Variants in SLFN14 observed in about 807,000 individuals in gnomAD.
The protein encoded by SLFN14 is protein SLFN14.
Under a neutral mutation model 58.6 loss-of-function variants are expected in SLFN14, and 47 were observed. That is an observed-to-expected ratio of 0.80 (90% confidence interval 0.64 to 1.02). The LOEUF is 1.02. SLFN14 is among the 50% of genes least tolerant of loss of function. The pLI, the probability that SLFN14 is intolerant of heterozygous loss-of-function variation, is 0.00. For synonymous variants in SLFN14, 390 were observed against 387.3 expected (o/e 1.01, Z -0.08); for missense variants, 967 against 1,078.4 (o/e 0.90, Z 1.45).
intron 5 of SLFN14, among the ~76,000 whole-genome samples, chr17:35,549,576 T>C (rs1461670867): frequency 6.6e-6 from 1 of 152,250 alleles, no homozygotes; most frequent in Non-Finnish European, 1.5e-5. Context: ...AAGAGGATGC[T>C]GAGTTCCACG....
At chr17:35,558,955 A>T (rs765736482) in intron 2 of SLFN14, among the ~76,000 whole-genome samples, 3 of 152,100 alleles carry the variant, frequency 2.0e-5, no homozygotes, top group Non-Finnish European at 4.4e-5. Flanking sequence ...TCACATGTGT[A>T]ATCTCAGCAC....
At chr17:35,558,652 C>T (rs1442654388) in intron 2 of SLFN14, among the ~76,000 whole-genome samples, 1 of 152,070 alleles carries the variant, frequency 6.6e-6, no homozygotes, top group Non-Finnish European at 1.5e-5. Flanking sequence ...AAGGTGAATG[C>T]CTAATATTTG....
intron 5 of SLFN14, among the ~76,000 whole-genome samples, chr17:35,549,904 T>A (rs2072569494): frequency 6.6e-6 from 1 of 152,224 alleles, no homozygotes; most frequent in African/African-American, 2.4e-5. Flanking sequence ...CCTCTCACAT[T>A]AAGGGTTTCA....
chr17:35,560,074 T>C (rs190840581), intron 1 of SLFN14, among the ~76,000 whole-genome samples: 391 of 151,844 alleles, frequency 2.6e-3, no homozygotes, highest in African/African-American at 8.9e-3. Flanking sequence ...TATCAAATAG[T>C]CCCTCTAGTC....
Position 35,544,174 on chromosome 17 carries a change from G to A in SLFN14, c.*4065C>T, listed in dbSNP as rs2072518611. On this transcript the variant is annotated 3_prime_UTR_variant, in exon 6 of 6. Transcript: ENST00000674182. ...GTATGGAAACAGCAGAAACCCGAGAGAGTAAACCCAATGCTGAAAGTCCAT... is the reference window on the plus strand; with the variant it reads ...GTATGGAAACAGCAGAAACCCGAGAAAGTAAACCCAATGCTGAAAGTCCAT... Among the ~76,000 whole-genome samples, 1 of 152,188 alleles carries A rather than the reference G, an allele frequency of 6.6e-6. No homozygotes were observed. Among genetic ancestry groups the A allele is most frequent in the African/African-American group, 2.4e-5 (1 of 41,454 alleles).
intron 2 of SLFN14, among the ~76,000 whole-genome samples, chr17:35,559,518 T>C (rs1238351609): frequency 6.6e-6 from 1 of 152,220 alleles, no homozygotes; most frequent in African/African-American, 2.4e-5. Flanking sequence ...ATTGTCACCC[T>C]TCTTTTGCTT....
intron 4 of SLFN14, among the ~76,000 whole-genome samples, chr17:35,554,191 A>G (rs1265529742): frequency 1.3e-5 from 2 of 151,528 alleles, no homozygotes; most frequent in Non-Finnish European, 2.9e-5. Context: ...AATTCCCTGC[A>G]CTCTCAAATT....
chr17:35,552,573 C>G (rs1365861682), intron 5 of SLFN14, among the ~76,000 whole-genome samples, 157 bp downstream of exon 5: 1 of 150,628 alleles, frequency 6.6e-6, no homozygotes, highest in Non-Finnish European at 1.5e-5. Flanking sequence ...TGTTTTCACT[C>G]TATTAAATCT....
In SLFN14 at chr17:35,546,006, C is replaced by T. The variant is rs749628816; in HGVS notation, c.*2233G>A. On this transcript the variant is annotated 3_prime_UTR_variant, in exon 6 of 6. Coordinates refer to ENST00000674182, the MANE Select transcript of SLFN14 (RefSeq NM_001129820.2). The stretch of plus-strand genomic sequence containing the variant: ...TCACTAGACTAAGAACTGACAAAGA[C>T]TCTCAAATTCAATATTTAAAACAAT... Among the ~76,000 whole-genome samples the T allele has an allele frequency of 2.2e-4, 33 of 152,124 alleles. No individual in the cohort carries two copies. Among genetic ancestry groups the T allele is most frequent in the Non-Finnish European group, 4.1e-4 (28 of 68,022 alleles).
At position 35,557,668 on chromosome 17, in the gene SLFN14, C is replaced by A. The variant is rs1163391239; in HGVS notation, c.395G>T (p.Arg132Leu). 1 of 1,551,532 alleles carries A rather than the reference C, an allele frequency of 6.4e-7. No individual in the cohort carries two copies. Among genetic ancestry groups the A allele is most frequent in the African/African-American group, 1.4e-5 (1 of 73,016 alleles). ...RICSLRSNLY[R>L]RDVTSAINLS... ...GTTGATAGCAGAAGTCACATCTCTC[C>A]GATACAAATTGGAGCGCAAGCTGCA... The change falls in exon 3 of 6, where the codon CGG (arginine) becomes CTG (leucine). Residue 132 changes from arginine to leucine, a missense_variant. Arg to Leu is a moderately radical substitution (Grantham distance 102, BLOSUM62 -2). Transcript: ENST00000674182.
chr17:35,551,162 A>G (rs2072582412), intron 5 of SLFN14, among the ~76,000 whole-genome samples: 1 of 152,246 alleles, frequency 6.6e-6, no homozygotes. Flanking sequence ...TTATTTGGAA[A>G]TGTGTATATA....
In SLFN14 at chr17:35,553,224, A is replaced by G. The variant is rs760462838; in HGVS notation, c.1410T>C (p.Tyr470=). The G allele has an allele frequency of 5.2e-6, 8 of 1,551,592 alleles. No homozygotes were observed. Among genetic ancestry groups the G allele is most frequent in the Admixed American group, 2.0e-5 (1 of 50,984 alleles). ...LIAVNSPVVL[Y]TILIDPNWPG... is the part of the protein sequence containing the mutation. ...GCCAATTGGGGTCTATTAAGATTGT[A>G]TAGAGTACCACGGGGCTGTTAACTG... is the stretch of plus-strand genomic sequence containing the variant. The change falls in exon 5 of 6, where the codon TAT becomes TAC. Residue 470 remains tyrosine, a synonymous_variant. Transcript: ENST00000674182.
rs905240225 is a variant in SLFN14, at chr17:35,545,651, T to C, written c.*2588A>G. Among the ~76,000 whole-genome samples, 1 of 152,112 alleles carries C rather than the reference T, an allele frequency of 6.6e-6. No individual in the cohort carries two copies. The highest frequency in any genetic ancestry group is 6.6e-5 in the Admixed American group (1 of 15,260). On this transcript the variant is annotated 3_prime_UTR_variant, in exon 6 of 6. Coordinates refer to ENST00000674182, the MANE Select transcript of SLFN14 (RefSeq NM_001129820.2). ...CTAGGATTAAAAGCATGCACCACCATGCCCAACTAAGTTTTTAAAAAAATT... is the reference window on the plus strand; with the variant it reads ...CTAGGATTAAAAGCATGCACCACCACGCCCAACTAAGTTTTTAAAAAAATT...
In SLFN14 at chr17:35,545,348, A is replaced by G. The variant is rs2142191497; in HGVS notation, c.*2891T>C. Among the ~76,000 whole-genome samples the G allele has an allele frequency of 6.6e-6, 1 of 152,336 alleles. No individual in the cohort carries two copies. The highest frequency in any genetic ancestry group is 1.9e-4 in the East Asian group (1 of 5,186). On this transcript the variant is annotated 3_prime_UTR_variant, in exon 6 of 6. Coordinates refer to ENST00000674182, the MANE Select transcript of SLFN14 (RefSeq NM_001129820.2). ...CACTGTACTAGTTGCTCTAGGGGAAATAAGGATGTGTAAGTGACTCATCCT... is the reference window on the plus strand; with the variant it reads ...CACTGTACTAGTTGCTCTAGGGGAAGTAAGGATGTGTAAGTGACTCATCCT...
Position 35,548,820 on chromosome 17 carries a change from A to G in SLFN14, c.2158T>C (p.Ser720Pro). 1.3e-6 allele frequency: 2 copies of G among 1,551,738 alleles called. No homozygotes were observed. Among genetic ancestry groups the G allele is most frequent in the Non-Finnish European group, 1.7e-6 (2 of 1,146,992 alleles). The change falls in exon 6 of 6, where the codon TCT becomes CCT. Residue 720 changes from serine to proline, a missense_variant. Transcript: ENST00000674182. ...ATTGTTTTTCGAGGAAACTGAGCAG[A>G]TGGAGGGGGAAGGCCATTGACATCT... ...HADVNGLPPP[S>P]AQFPRKTITS...
chr17:35,553,309 C>G lies in SLFN14; in HGVS notation c.1325G>C (p.Trp442Ser). ...TTTCCTGAAGCCAACATCACCAGCC[C>G]AGCTTCTAGAAAATATCACAATCCC... ...SQGIVIFSRSWAGDVGFRKEQ... is the reference protein window; with the variant it reads ...SQGIVIFSRSSAGDVGFRKEQ... Residue 442 changes from tryptophan to serine, a missense_variant, in exon 5 of 6, where the codon TGG becomes TCG. Physicochemically the swap from Trp to Ser is radical, Grantham distance 177 (BLOSUM62 -3). Transcript: ENST00000674182. 2 of 1,551,640 alleles carry G rather than the reference C, an allele frequency of 1.3e-6. No individual in the cohort carries two copies. Among genetic ancestry groups the G allele is most frequent in the Non-Finnish European group, 1.7e-6 (2 of 1,146,992 alleles).
rs1019850222 is a variant in SLFN14 at position 35,558,080 on chromosome 17, G to A, written c.-18C>T. Reference sequence around the variant, plus strand: ...CTCTCCATTTCAGCAGCCCCTCTGTGCTCCAAACAATAAAAGAAAGGAGTT... The same window carrying A: ...CTCTCCATTTCAGCAGCCCCTCTGTACTCCAAACAATAAAAGAAAGGAGTT... On this transcript the variant is annotated 5_prime_UTR_variant, in exon 3 of 6. Coordinates refer to ENST00000674182, the MANE Select transcript of SLFN14 (RefSeq NM_001129820.2). 6.5e-7 allele frequency: 1 copy of A among 1,538,044 alleles called. No individual in the cohort carries two copies.
At chr17:35,554,726 T>C in intron 3 of SLFN14, 22 bp from the exon 4 acceptor site, 1 of 1,334,436 alleles carries the variant, frequency 7.5e-7, no homozygotes, top group Non-Finnish European at 9.7e-7. Flanking sequence ...CATGGAAAGT[T>C]GTTTCAGACA....
At chr17:35,558,183 A>G in intron 2 of SLFN14, 77 bp from the exon 3 acceptor site, 1 of 836,900 alleles carries the variant, frequency 1.2e-6, no homozygotes, top group Non-Finnish European at 1.8e-6. Flanking sequence ...AAAACTATCA[A>G]TTACTGGAGA....
Sources: allele counts gnomAD v4.1 joint callset (sites outside exome capture counted in the v4.1 genomes callset), GRCh38; gene constraint gnomAD v4.1.1; transcripts MANE v1.5; gene names NCBI Gene and HGNC (gene_info 2026-07-23, HGNC 2026-07-21).